Variants in NELL1 observed in about 807,000 individuals in gnomAD.
The protein encoded by NELL1 is protein kinase C-binding protein NELL1.
In NELL1, 76 loss-of-function variants were observed where a neutral mutation model predicts 107.4. The observed-to-expected ratio is 0.71, with a 90% confidence interval of 0.59 to 0.86. The LOEUF is 0.86. Among genes scored for constraint, NELL1 ranks in the 40% least tolerant of loss-of-function variants. The pLI, the probability that NELL1 is intolerant of heterozygous loss-of-function variation, is 0.00. For synonymous variants in NELL1, 353 were observed against 341.2 expected (o/e 1.03, Z -0.38); for missense variants, 1,024 against 1,005.5 (o/e 1.02, Z -0.25).
intron 15 of NELL1, among the ~76,000 whole-genome samples, chr11:21,415,824 A>G (rs888074101): frequency 6.6e-6 from 1 of 151,958 alleles, no homozygotes; most frequent in African/African-American, 2.4e-5. Flanking sequence ...AGGTGTTTGA[A>G]ACTCAGGGAT....
At chr11:21,391,253 A>G (rs1353216286) in intron 15 of NELL1, among the ~76,000 whole-genome samples, 3 of 151,820 alleles carry the variant, frequency 2.0e-5, no homozygotes, top group Non-Finnish European at 4.4e-5. Flanking sequence ...GTTAATTTAT[A>G]TAAACTCTAC....
chr11:21,109,245 G>A (rs1418024055), intron 12 of NELL1, among the ~76,000 whole-genome samples: 2 of 152,074 alleles, frequency 1.3e-5, no homozygotes. Context: ...TTTACCAATT[G>A]CCAGGGGCTG....
chr11:20,918,842 A>G (rs1415862369), intron 6 of NELL1, among the ~76,000 whole-genome samples: 4 of 152,048 alleles, frequency 2.6e-5, no homozygotes, highest in African/African-American at 9.7e-5. Flanking sequence ...AGAGGGTTAC[A>G]TTAGCAGATT....
chr11:21,225,834 A>C (rs985444739), intron 13 of NELL1, among the ~76,000 whole-genome samples: 1 of 152,182 alleles, frequency 6.6e-6, no homozygotes, highest in Admixed American at 6.5e-5. Context: ...GCTGTCATAA[A>C]TTTTCTACCT....
chr11:20,756,588 C>T (rs1856295716), intron 2 of NELL1, among the ~76,000 whole-genome samples: 1 of 146,080 alleles, frequency 6.8e-6, no homozygotes, highest in African/African-American at 2.6e-5. Flanking sequence ...GTCTGGATCT[C>T]CTGACCTCGT....
intron 12 of NELL1, among the ~76,000 whole-genome samples, chr11:21,103,755 G>A (rs1854879967): frequency 6.6e-6 from 1 of 152,180 alleles, no homozygotes; most frequent in Non-Finnish European, 1.5e-5. Context: ...AGATAGGAAA[G>A]ACCATCAATG....
At chr11:20,688,538 G>A (rs1854367004) in intron 2 of NELL1, among the ~76,000 whole-genome samples, 1 of 152,090 alleles carries the variant, frequency 6.6e-6, no homozygotes, top group Admixed American at 6.6e-5. Context: ...CTGCATCCAT[G>A]TTGCTGCAAA....
chr11:21,398,061 A>C (rs997326696), intron 15 of NELL1, among the ~76,000 whole-genome samples: 2 of 151,242 alleles, frequency 1.3e-5, no homozygotes, highest in Admixed American at 1.3e-4. Context: ...ATATTATATA[A>C]ATTTAAAATA....
At chr11:20,847,873 G>A (rs1340974342) in intron 4 of NELL1, 120 bp downstream of exon 4, 1 of 1,075,682 alleles carries the variant, frequency 9.3e-7, no homozygotes, top group Non-Finnish European at 1.3e-6. Context: ...GACCCTAATT[G>A]TAATTTAACC....
intron 15 of NELL1, among the ~76,000 whole-genome samples, chr11:21,488,691 G>A (rs1044932134): frequency 6.6e-6 from 1 of 152,020 alleles, no homozygotes; most frequent in Non-Finnish European, 1.5e-5. Context: ...AACAACCATT[G>A]GGTCAATGAA....
intron 14 of NELL1, among the ~76,000 whole-genome samples, chr11:21,271,883 T>C (rs547675941): frequency 6.6e-6 from 1 of 152,262 alleles, no homozygotes; most frequent in South Asian, 2.1e-4. Context: ...AAAAATCACA[T>C]GATCATAACA....
At chr11:21,003,601 A>G (rs1389076421) in intron 12 of NELL1, among the ~76,000 whole-genome samples, 1 of 151,998 alleles carries the variant, frequency 6.6e-6, no homozygotes. Flanking sequence ...CTCCTTCTCT[A>G]TACTCTGTTT....
intron 5 of NELL1, among the ~76,000 whole-genome samples, chr11:20,913,103 A>G (rs1185672566): frequency 2.6e-5 from 4 of 152,124 alleles, no homozygotes; most frequent in Non-Finnish European, 2.9e-5. Flanking sequence ...GATTGGTTGC[A>G]TTTTGAAAAC....
At chr11:20,721,197 A>ATATATATATATATATATATATATATT (rs1253237083) in intron 2 of NELL1, among the ~76,000 whole-genome samples, 1 of 108,318 alleles carries the variant, frequency 9.2e-6, no homozygotes, top group African/African-American at 5.6e-5. Flanking sequence ...ATATATATAT[A>ATATATATATATATATATATATATATT]GTGTATATAT....
At chr11:21,025,461 T>C (rs1248444521) in intron 12 of NELL1, among the ~76,000 whole-genome samples, 2 of 151,590 alleles carry the variant, frequency 1.3e-5, no homozygotes, top group African/African-American at 4.8e-5. Flanking sequence ...CTTGTTTTGC[T>C]ATACTAGATG....
intron 16 of NELL1, among the ~76,000 whole-genome samples, chr11:21,548,017 T>C (rs1856486243): frequency 6.6e-6 from 1 of 151,826 alleles, no homozygotes; most frequent in African/African-American, 2.4e-5. Flanking sequence ...AACTGGATCA[T>C]TTTCCTGCTA....
chr11:21,064,092 A>G (rs561357289), intron 12 of NELL1, among the ~76,000 whole-genome samples: 24 of 152,182 alleles, frequency 1.6e-4, no homozygotes, highest in Non-Finnish European at 2.1e-4. Context: ...GGCTGAAGGC[A>G]GGTATGTTTC....
chr11:21,452,829 C>T (rs1234812200), intron 15 of NELL1, among the ~76,000 whole-genome samples: 3 of 151,878 alleles, frequency 2.0e-5, no homozygotes, highest in Non-Finnish European at 2.9e-5. Context: ...TCACTGGTCT[C>T]ACAATATCCC....
At chr11:21,249,407 A>G (rs1840248) in intron 14 of NELL1, among the ~76,000 whole-genome samples, 2 of 151,836 alleles carry the variant, frequency 1.3e-5, no homozygotes, top group Non-Finnish European at 2.9e-5. Flanking sequence ...TTTTTTTCTT[A>G]TTCACTAAAA....
Sources: gnomAD v4.1 joint callset for allele counts (sites outside exome capture counted in the v4.1 genomes callset) on GRCh38, gnomAD v4.1.1 for gene constraint, MANE v1.5 for transcripts, NCBI Gene and HGNC (gene_info 2026-07-23, HGNC 2026-07-21) for gene names.